The following FTO variants were observed in gnomAD, a reference collection of about 807,000 sequenced individuals.
FTO encodes alpha-ketoglutarate-dependent dioxygenase FTO.
In FTO, 47 loss-of-function variants were observed where a neutral mutation model predicts 63.9. The ratio of observed to expected loss-of-function variants is 0.74; its 90% CI spans 0.58 to 0.94. The LOEUF is 0.94. Among genes scored for constraint, FTO ranks in the 40% least tolerant of loss-of-function variants. The pLI is 0.00. For synonymous variants in FTO, 207 were observed against 224.4 expected (o/e 0.92, Z 0.69); for missense variants, 562 against 618.1 (o/e 0.91, Z 0.96).
intron 2 of FTO, among the ~76,000 whole-genome samples, chr16:53,819,668 T>G (rs1325843502): frequency 6.6e-6 from 1 of 152,220 alleles, no homozygotes; most frequent in Non-Finnish European, 1.5e-5. Flanking sequence ...TTTTCAGATA[T>G]TCACATCTAT....
intron 1 of FTO, among the ~76,000 whole-genome samples, chr16:53,768,989 C>T (rs971500440): frequency 1.3e-5 from 2 of 152,128 alleles, no homozygotes; most frequent in African/African-American, 2.4e-5. Context: ...TTATTAGCTG[C>T]CTTCCAGAGA....
At chr16:53,901,919 G>C (rs2081414134) in intron 7 of FTO, among the ~76,000 whole-genome samples, 1 of 152,050 alleles carries the variant, frequency 6.6e-6, no homozygotes. Flanking sequence ...GGGTCTTGGG[G>C]TAAATTTAGA....
intron 1 of FTO, among the ~76,000 whole-genome samples, chr16:53,708,781 T>C (rs1355398125): frequency 6.6e-6 from 1 of 152,224 alleles, no homozygotes. Context: ...AATAATGTTA[T>C]GCATCTTCTC....
intron 8 of FTO, among the ~76,000 whole-genome samples, chr16:54,004,483 G>A (rs542175336): frequency 6.6e-6 from 1 of 152,072 alleles, no homozygotes; most frequent in Non-Finnish European, 1.5e-5. Flanking sequence ...GGATTAGTCA[G>A]TGGAAAAAAA....
chr16:53,888,610 A>G (rs984080007), intron 6 of FTO, among the ~76,000 whole-genome samples: 1 of 152,050 alleles, frequency 6.6e-6, no homozygotes, highest in African/African-American at 2.4e-5. Context: ...ATGAACCAAC[A>G]CGTCTGGCCA....
At chr16:53,998,772 A>G (rs2084000172) in intron 8 of FTO, 2 of 152,166 alleles carry the variant, frequency 1.3e-5, no homozygotes, top group South Asian at 2.1e-4. Context: ...TGCAACTCCT[A>G]TGAAGAGGAA....
chr16:53,986,646 G>A (rs1433422105), intron 8 of FTO, among the ~76,000 whole-genome samples: 2 of 152,142 alleles, frequency 1.3e-5, no homozygotes, highest in Non-Finnish European at 2.9e-5. Flanking sequence ...GTATTGCCCT[G>A]GAATTCTAAT....
At chr16:53,722,960 G>C (rs77088450) in intron 1 of FTO, among the ~76,000 whole-genome samples, 8,814 of 152,134 alleles carry the variant, frequency 0.058, 834 homozygotes, top group African/African-American at 0.2. Context: ...AAAGAGTTAT[G>C]TCTGAACCAC....
At chr16:54,107,639 A>T (rs2086787805) in intron 8 of FTO, among the ~76,000 whole-genome samples, 2 of 142,462 alleles carry the variant, frequency 1.4e-5, no homozygotes, top group African/African-American at 4.9e-5. Context: ...GGATGTTATA[A>T]AAGGCAGGAA....
intron 1 of FTO, among the ~76,000 whole-genome samples, chr16:53,719,453 A>T (rs2151484139): frequency 6.6e-6 from 1 of 152,026 alleles, no homozygotes; most frequent in African/African-American, 2.4e-5. Flanking sequence ...TTAGAATGGG[A>T]GAGTTTTACA....
chr16:53,885,239 A>T (rs2080967291), intron 6 of FTO, among the ~76,000 whole-genome samples: 2 of 151,784 alleles, frequency 1.3e-5, no homozygotes, highest in South Asian at 4.2e-4. Flanking sequence ...GCAGGTGGAG[A>T]TTTTTTTTGC....
intron 1 of FTO, among the ~76,000 whole-genome samples, chr16:53,769,514 AG>A (rs915825511): frequency 3.3e-5 from 5 of 152,194 alleles, no homozygotes; most frequent in African/African-American, 9.7e-5. Context: ...CTTAGTATAT[AG>A]CAACTGCGAT....
chr16:54,086,850 G>A (rs1157390933), intron 8 of FTO, among the ~76,000 whole-genome samples: 1 of 152,238 alleles, frequency 6.6e-6, no homozygotes, highest in Non-Finnish European at 1.5e-5. Flanking sequence ...ACTTAGGGGA[G>A]GGGTCGTGAA....
chr16:53,890,232 A>C (rs2081111295), intron 7 of FTO, among the ~76,000 whole-genome samples: 1 of 152,198 alleles, frequency 6.6e-6, no homozygotes, highest in South Asian at 2.1e-4. Flanking sequence ...AGCTATTGCT[A>C]ATCCCTATTT....
At chr16:54,086,629 G>A (rs2144534120) in intron 8 of FTO, among the ~76,000 whole-genome samples, 1 of 152,192 alleles carries the variant, frequency 6.6e-6, no homozygotes, top group East Asian at 1.9e-4. Context: ...TGCTGACAGA[G>A]TCACATGATG....
At chr16:53,952,042 AC>A (rs1346527768) in intron 8 of FTO, among the ~76,000 whole-genome samples, 3 of 152,206 alleles carry the variant, frequency 2.0e-5, no homozygotes, top group Non-Finnish European at 4.4e-5. Flanking sequence ...GCTAACCTCC[AC>A]TGAGTCTTTA....
chr16:53,914,066 C>G (rs1333464865), intron 7 of FTO, among the ~76,000 whole-genome samples: 1 of 151,870 alleles, frequency 6.6e-6, no homozygotes, highest in African/African-American at 2.4e-5. Flanking sequence ...CAGTGGAGGA[C>G]AGCGTCTTCT....
intron 8 of FTO, among the ~76,000 whole-genome samples, chr16:54,055,310 C>G (rs1323515835): frequency 6.6e-6 from 1 of 152,170 alleles, no homozygotes; most frequent in Non-Finnish European, 1.5e-5. Context: ...AGATATCACC[C>G]TGAACTACAT....
intron 8 of FTO, among the ~76,000 whole-genome samples, chr16:54,024,551 T>C (rs1028498676): frequency 1.3e-5 from 2 of 152,092 alleles, no homozygotes; most frequent in Non-Finnish European, 2.9e-5. Flanking sequence ...TGTTAGTTTG[T>C]ATTGCCACCA....
Sources: gnomAD v4.1 joint callset for allele counts (sites outside exome capture counted in the v4.1 genomes callset) on GRCh38, gnomAD v4.1.1 for gene constraint, MANE v1.5 for transcripts, NCBI Gene and HGNC (gene_info 2026-07-23, HGNC 2026-07-21) for gene names.